RFX2: variants seen among roughly 807,000 people sequenced by gnomAD.
The protein encoded by RFX2 is DNA-binding protein RFX2.
Under a neutral mutation model 87.8 loss-of-function variants are expected in RFX2, and 20 were observed. The observed-to-expected ratio is 0.23, with a 90% CI of 0.16 to 0.33. The LOEUF (loss-of-function observed/expected upper bound fraction) is 0.33, where lower values mean the gene tolerates loss of function less well. RFX2 is among the 10% of genes least tolerant of loss of function. The pLI is 1.00. For missense variants in RFX2, 767 were observed against 1,012.3 expected (o/e 0.76, Z 3.29); for synonymous variants, 397 against 431.3 (o/e 0.92, Z 0.98).
chr19:6,059,649 A>G (rs1243824736), intron 1 of RFX2, among the ~76,000 whole-genome samples: 2 of 152,138 alleles, frequency 1.3e-5, no homozygotes, highest in Non-Finnish European at 2.9e-5. Flanking sequence ...CCAGGAGTGG[A>G]CATGAGAGTG....
intron 5 of RFX2, among the ~76,000 whole-genome samples, chr19:6,029,534 C>A (rs1006105146): frequency 6.6e-6 from 1 of 152,020 alleles, no homozygotes; most frequent in African/African-American, 2.4e-5. Flanking sequence ...CATGGTGAAA[C>A]CCTGTCTCTA....
At position 6,023,550 on chromosome 19, in the gene RFX2, C is replaced by T. The variant is rs1410114840; in HGVS notation, c.597+2613G>A. Among the ~76,000 whole-genome samples, 8 of 152,180 alleles carry T rather than the reference C, an allele frequency of 5.3e-5. No individual in the cohort carries two copies. Among genetic ancestry groups the T allele is most frequent in the Admixed American group, 3.3e-4 (5 of 15,282 alleles). ...AGATCTTATTTTACTTCCTTTGCTT[C>T]GAGTCACCAAGCCCGGAATCTTACT... On this transcript the variant is annotated intron_variant, in intron 6 of 17. Transcript: ENST00000303657. This position sits in a 1 kb window ranked among gnomAD's most constrained non-coding sequence, Gnocchi z 4.9.
At chr19:6,104,298 G>A (rs923939219) in intron 1 of RFX2, among the ~76,000 whole-genome samples, 10 of 152,022 alleles carry the variant, frequency 6.6e-5, no homozygotes, top group Admixed American at 4.6e-4. Context: ...GGCCGGGTGC[G>A]GTGGTTCACG....
intron 16 of RFX2, among the ~76,000 whole-genome samples, chr19:5,996,383 C>T (rs542034519): frequency 1.3e-5 from 2 of 152,352 alleles, no homozygotes; most frequent in East Asian, 3.9e-4. Flanking sequence ...ACAACTCAGC[C>T]AGGAGAGGAA....
At chr19:6,103,684 G>A (rs1018879401) in intron 1 of RFX2, among the ~76,000 whole-genome samples, 6 of 152,154 alleles carry the variant, frequency 3.9e-5, no homozygotes, top group Admixed American at 6.5e-5. Flanking sequence ...ACAACTTTTC[G>A]TGCTGTTTTT....
intron 5 of RFX2, among the ~76,000 whole-genome samples, chr19:6,035,609 C>T (rs370511306): frequency 7.2e-5 from 11 of 152,026 alleles, no homozygotes; most frequent in African/African-American, 2.2e-4. Context: ...GCGAAAGTCC[C>T]GAGAAACAAA....
chr19:6,085,872 G>A (rs1378429186), intron 1 of RFX2, among the ~76,000 whole-genome samples: 1 of 152,018 alleles, frequency 6.6e-6, no homozygotes, highest in East Asian at 1.9e-4. Flanking sequence ...TGGGAGGATT[G>A]CCTGAGGCCA....
At chr19:6,093,826 A>G (rs967210349) in intron 1 of RFX2, among the ~76,000 whole-genome samples, 1 of 152,196 alleles carries the variant, frequency 6.6e-6, no homozygotes, top group Non-Finnish European at 1.5e-5. Context: ...ATCATGCTAA[A>G]AACAGCCAGT....
Position 6,047,411 on chromosome 19 carries a change from G to A in RFX2, c.86C>T (p.Pro29Leu), listed in dbSNP as rs759991784. Residue 29 changes from proline to leucine, a missense_variant, in exon 2 of 18, where the codon CCG becomes CTG. This residue lies in a region of RFX2 where 146 missense variants were observed against 139.2 expected (regional missense o/e 1.05). Coordinates refer to ENST00000303657, the MANE Select transcript of RFX2 (RefSeq NM_000635.4). The surrounding 1 kb of genome is among the most constrained non-coding windows in gnomAD (Gnocchi z 4.2). The stretch of plus-strand genomic sequence containing the variant: ...TTGCTGAGAGGCGCGCGTTACCTGC[G>A]GGGAGGCTGGCACAGGCGGGGCTGC... ...SAAAPPVPAS[P>L]QRVLVQAASS... is the part of the protein sequence containing the mutation. 6 of 1,606,264 alleles carry A rather than the reference G, an allele frequency of 3.7e-6. No individual in the cohort carries two copies. The highest frequency in any genetic ancestry group is 5.1e-6 in the Non-Finnish European group (6 of 1,176,666).
At chr19:6,058,672 A>G (rs2087383441) in intron 1 of RFX2, among the ~76,000 whole-genome samples, 1 of 152,082 alleles carries the variant, frequency 6.6e-6, no homozygotes, top group Non-Finnish European at 1.5e-5. Context: ...TCTGAAATCA[A>G]GTATCTTCAG....
intron 9 of RFX2, 63 bp from the exon 10 acceptor site, chr19:6,008,287 A>C: frequency 2.9e-6 from 3 of 1,025,110 alleles, no homozygotes; most frequent in South Asian, 1.7e-5. Context: ...GGACAACTGG[A>C]AGGCCACGGT....
intron 1 of RFX2, among the ~76,000 whole-genome samples, chr19:6,106,498 G>A (rs2088219422): frequency 6.6e-6 from 1 of 152,126 alleles, no homozygotes; most frequent in Admixed American, 6.5e-5. Context: ...GACAAAAGCT[G>A]GCCTGAATTG....
intron 1 of RFX2, among the ~76,000 whole-genome samples, chr19:6,095,069 G>A (rs1484170783): frequency 6.6e-6 from 1 of 152,120 alleles, no homozygotes; most frequent in Non-Finnish European, 1.5e-5. Context: ...CCGAGATCGC[G>A]CCACCGCACT....
At position 6,027,576 on chromosome 19, in the gene RFX2, G is replaced by A. The variant is rs1599865002; in HGVS notation, c.523-1339C>T. On this transcript the variant is annotated intron_variant, in intron 5 of 17. Coordinates refer to ENST00000303657, the MANE Select transcript of RFX2 (RefSeq NM_000635.4). The surrounding 1 kb of genome is among the most constrained non-coding windows in gnomAD (Gnocchi z 5.0). ...TCGCTCACCTATGGGTGCCGGGAGA[G>A]CAGAGTGCATGACCTCTGGAAGTCT... Among the ~76,000 whole-genome samples the A allele has an allele frequency of 6.6e-6, 1 of 152,348 alleles. No individual in the cohort carries two copies. The highest frequency in any genetic ancestry group is 1.9e-4 in the East Asian group (1 of 5,190).
chr19:6,086,617 AC>A (rs1425237631), intron 1 of RFX2, among the ~76,000 whole-genome samples: 1 of 152,270 alleles, frequency 6.6e-6, no homozygotes, highest in Admixed American at 6.5e-5. Context: ...GTAATAACAC[AC>A]AAGAATCTAA....
chr19:6,077,670 T>A lies in RFX2; in HGVS notation c.-8-30166A>T, dbSNP rs925756187. Among the ~76,000 whole-genome samples, 8 of 152,078 alleles carry A rather than the reference T, an allele frequency of 5.3e-5. No homozygotes were observed. The East Asian group carries it at 9.6e-4, about 18-fold the overall frequency. On this transcript the variant is annotated intron_variant, in intron 1 of 17. Coordinates refer to ENST00000303657, the MANE Select transcript of RFX2 (RefSeq NM_000635.4). ...CCCAAAGTAGCAACAGCCCAAATGT[T>A]TGTCAACTGATGGATGGATAAACGA...
Position 5,996,317 on chromosome 19 carries a change from C to T in RFX2, c.2014-674G>A, listed in dbSNP as rs925836872. 4.9e-5 allele frequency among the ~76,000 whole-genome samples: 2 copies of T among 40,864 alleles called. 1 individual carries two copies. Among genetic ancestry groups the T allele is most frequent in the Admixed American group, 5.0e-4 (2 of 3,998 alleles). The allele number at this position is 40,864 out of a possible 152,430, so 26.8% of individuals were successfully genotyped here. A position where few individuals can be genotyped will look rare whatever the true frequency, so the allele number is the denominator to read the frequency against. On this transcript the variant is annotated intron_variant, in intron 16 of 17. Coordinates refer to ENST00000303657, the MANE Select transcript of RFX2 (RefSeq NM_000635.4). ...ACGACGGCCACAGAGAGGGAGCGAC[C>T]GTGCAGCACGGAGGGACGAGCGGTC...
intron 5 of RFX2, among the ~76,000 whole-genome samples, chr19:6,038,726 A>AC (rs1206835362): frequency 6.6e-6 from 1 of 152,228 alleles, no homozygotes; most frequent in African/African-American, 2.4e-5. Flanking sequence ...AAAAGCTGCT[A>AC]CCATCATTAG....
chr19:6,063,186 C>T lies in RFX2; in HGVS notation c.-8-15682G>A, dbSNP rs575589811. Among the ~76,000 whole-genome samples, 8 of 152,270 alleles carry T rather than the reference C, an allele frequency of 5.3e-5. No homozygotes were observed. The highest frequency in any genetic ancestry group is 1.0e-4 in the Non-Finnish European group (7 of 68,028). Reference sequence around the variant, plus strand: ...GGGAAAGCCGGGCTTCCTCTGATTCCGGATGGAGTGTTTAAATGAGATGTC... The same window carrying T: ...GGGAAAGCCGGGCTTCCTCTGATTCTGGATGGAGTGTTTAAATGAGATGTC... On this transcript the variant is annotated intron_variant, in intron 1 of 17. Transcript: ENST00000303657. The surrounding 1 kb of genome is among the most constrained non-coding windows in gnomAD (Gnocchi z 4.0).
Sources: gnomAD v4.1 joint callset for allele counts (sites outside exome capture counted in the v4.1 genomes callset) on GRCh38, gnomAD v4.1.1 for gene constraint, gnomAD v4.1.1 regional missense constraint, Gnocchi (gnomAD v3.1) non-coding constraint, MANE v1.5 for transcripts, NCBI Gene and HGNC (gene_info 2026-07-23, HGNC 2026-07-21) for gene names.